Variants in NDUFA9 observed in about 807,000 individuals in gnomAD.
NDUFA9 encodes the protein NADH dehydrogenase [ubiquinone] 1 alpha subcomplex subunit 9, mitochondrial.
In NDUFA9, 23 loss-of-function variants were observed where a neutral mutation model predicts 45.9. The observed-to-expected ratio is 0.50, with a 90% CI of 0.36 to 0.71. The LOEUF (loss-of-function observed/expected upper bound fraction) is 0.71, where lower values mean the gene tolerates loss of function less well. Among genes scored for constraint, NDUFA9 ranks in the 30% least tolerant of loss-of-function variants. NDUFA9 has a pLI of 0.00. For missense variants in NDUFA9, 466 were observed against 488.2 expected, an observed-to-expected ratio of 0.95 and a Z score of 0.43; for synonymous variants, 176 against 170.5, an observed-to-expected ratio of 1.03 and a Z score of -0.25.
intron 4 of NDUFA9, among the ~76,000 whole-genome samples, chr12:4,658,583 G>GT (rs1157601133): frequency 6.6e-6 from 1 of 152,182 alleles, no homozygotes; most frequent in Non-Finnish European, 1.5e-5. Context: ...TCAGCAGCCA[G>GT]TACGGCCAGG....
At chr12:4,686,694 G>A (rs1227364720) in intron 10 of NDUFA9, among the ~76,000 whole-genome samples, 2 of 152,104 alleles carry the variant, frequency 1.3e-5, no homozygotes, top group Admixed American at 6.5e-5. Flanking sequence ...TCCTGTGCTC[G>A]CGGCTGCCAC....
intron 8 of NDUFA9, among the ~76,000 whole-genome samples, chr12:4,675,753 C>A (rs1272200625): frequency 6.6e-6 from 1 of 152,170 alleles, no homozygotes; most frequent in East Asian, 1.9e-4. Context: ...TGGTACCATT[C>A]CTTCTGAAAC....
chr12:4,658,896 A>C, intron 4 of NDUFA9, 140 bp from the exon 5 acceptor site: 1 of 902,900 alleles, frequency 1.1e-6, no homozygotes, highest in Non-Finnish European at 1.6e-6. Flanking sequence ...GGCCAAATTT[A>C]GCTTTAAGTT....
intron 10 of NDUFA9, among the ~76,000 whole-genome samples, chr12:4,685,676 G>A (rs1235852352): frequency 4.1e-5 from 4 of 97,144 alleles, no homozygotes; most frequent in African/African-American, 9.3e-5. Flanking sequence ...TCCTCCTAAC[G>A]TCCTGAAGAA....
intron 5 of NDUFA9, among the ~76,000 whole-genome samples, chr12:4,661,412 G>A (rs1945822274): frequency 6.6e-6 from 1 of 152,104 alleles, no homozygotes; most frequent in African/African-American, 2.4e-5. Flanking sequence ...GAAATGTTGA[G>A]GGCCTGGTTA....
At chr12:4,652,090 G>A (rs1173920378) in intron 1 of NDUFA9, among the ~76,000 whole-genome samples, 2 of 152,190 alleles carry the variant, frequency 1.3e-5, no homozygotes, top group African/African-American at 4.8e-5. Context: ...AATCAGATGA[G>A]AACAGTCATT....
At chr12:4,671,415 ATATT>A (rs1945886349) in intron 8 of NDUFA9, among the ~76,000 whole-genome samples, 1 of 152,136 alleles carries the variant, frequency 6.6e-6, no homozygotes, top group Non-Finnish European at 1.5e-5. Flanking sequence ...AAATAATAGA[ATATT>A]TAAGTATAAA....
At chr12:4,651,225 T>G (rs1371305963) in intron 1 of NDUFA9, among the ~76,000 whole-genome samples, 1 of 152,156 alleles carries the variant, frequency 6.6e-6, no homozygotes, top group African/African-American at 2.4e-5. Context: ...AGTAGGAAAC[T>G]AATGTAGGTT....
chr12:4,666,477 G>A (rs1220234877), intron 6 of NDUFA9, among the ~76,000 whole-genome samples: 4 of 152,102 alleles, frequency 2.6e-5, no homozygotes, highest in Non-Finnish European at 4.4e-5. Context: ...ATGCCATGAA[G>A]CTTTCTCCTT....
At position 4,692,026 on chromosome 12, in the gene NDUFA9, C is replaced by T. The variant is rs1946021217; in HGVS notation, c.*4918C>T. On this transcript the variant is annotated 3_prime_UTR_variant, in exon 11 of 11. Coordinates refer to ENST00000266544, the MANE Select transcript of NDUFA9 (RefSeq NM_005002.5). ...GGTTCCCCTGGGTCCTTGAGAAAGA[C>T]AGTCCTGGGTTGTAAAACTGGCAAG... 6.6e-6 allele frequency: 1 copy of T among 152,164 alleles called. No homozygotes were observed. Among genetic ancestry groups the T allele is most frequent in the Admixed American group, 6.5e-5 (1 of 15,280 alleles). The allele number at this position is 152,164 out of a possible 1,614,324, so 9.4% of individuals were successfully genotyped here.
At position 4,662,619 on chromosome 12, in the gene NDUFA9, C is replaced by G; in HGVS notation, c.639C>G (p.Phe213Leu). 1 of 1,613,302 alleles carries G rather than the reference C, an allele frequency of 6.2e-7. No individual in the cohort carries two copies. The highest frequency in any genetic ancestry group is 8.5e-7 in the Non-Finnish European group (1 of 1,179,410). The change falls in exon 6 of 11, where the codon TTC (phenylalanine) becomes TTG (leucine). Residue 213 changes from phenylalanine (F) to leucine (L), a missense_variant. Phe to Leu is a conservative substitution (Grantham distance 22). Transcript: ENST00000266544. The stretch of plus-strand genomic sequence containing the variant: ...ACATCTTTGGAAGAGAGGATAGATT[C>G]CTTAATTCTTTTGCAAGTACGTATT... ...PSDIFGREDR[F>L]LNSFASMHRF...
At chr12:4,649,942 CG>C in intron 1 of NDUFA9, among the ~76,000 whole-genome samples, 1 of 152,342 alleles carries the variant, frequency 6.6e-6, no homozygotes, top group Non-Finnish European at 1.5e-5. Flanking sequence ...ATTAGAAATA[CG>C]GTTACACTTC....
At position 4,659,019 on chromosome 12, in the gene NDUFA9, T is replaced by A. The variant is rs1363169327; in HGVS notation, c.411-17T>A. 3 of 1,608,110 alleles carry A rather than the reference T, an allele frequency of 1.9e-6. No homozygotes were observed. The highest frequency in any genetic ancestry group is 2.5e-6 in the Non-Finnish European group (3 of 1,176,522). ...GTGTGGAGTTCTTAACCAATCCTTT[T>A]ATTTTTTATCTTCCAGAAACTTTGA... is the stretch of plus-strand genomic sequence containing the variant. On this transcript the variant is annotated splice_polypyrimidine_tract_variant and intron_variant, in intron 4 of 10. Coordinates refer to ENST00000266544, the MANE Select transcript of NDUFA9 (RefSeq NM_005002.5).
rs1377771979 is a variant in NDUFA9 at position 4,662,572 on chromosome 12, G to A, written c.592G>A (p.Ala198Thr). 2.5e-6 allele frequency: 4 copies of A among 1,613,990 alleles called. No individual in the cohort carries two copies. Among genetic ancestry groups the A allele is most frequent in the Non-Finnish European group, 3.4e-6 (4 of 1,179,890 alleles). The change falls in exon 6 of 11, where the codon GCC (alanine) becomes ACC (threonine). Residue 198 changes from alanine (A) to threonine (T), a missense_variant. Transcript: ENST00000266544. The stretch of plus-strand genomic sequence containing the variant: ...AGTAGTGAGAGATGCATTTCCGGAA[G>A]CCATTATCGTAAAGCCGTCGGACAT... ...EKVVRDAFPEAIIVKPSDIFG... is the reference protein window; with the variant it reads ...EKVVRDAFPETIIVKPSDIFG...
intron 9 of NDUFA9, 87 bp from the exon 10 acceptor site, chr12:4,685,172 T>G: frequency 8.6e-7 from 1 of 1,160,922 alleles, no homozygotes; most frequent in Non-Finnish European, 1.3e-6. Context: ...TCTACAGCGG[T>G]CTGTCTTCCT....
chr12:4,672,456 C>T (rs958611218), intron 8 of NDUFA9, among the ~76,000 whole-genome samples: 3 of 152,220 alleles, frequency 2.0e-5, no homozygotes, highest in African/African-American at 4.8e-5. Context: ...CCCACCCCCA[C>T]AGAGCCCAGC....
chr12:4,660,737 A>G (rs1945818642), intron 5 of NDUFA9, among the ~76,000 whole-genome samples: 1 of 152,184 alleles, frequency 6.6e-6, no homozygotes, highest in Admixed American at 6.5e-5. Flanking sequence ...GGAAGTGAAT[A>G]CTTATGAATG....
At position 4,657,672 on chromosome 12, in the gene NDUFA9, A is replaced by G. The variant is rs909045765; in HGVS notation, c.319-76A>G. 6 of 1,047,410 alleles carry G rather than the reference A, an allele frequency of 5.7e-6. No homozygotes were observed. The African/African-American group carries it at 7.8e-5, about 14-fold the overall frequency. The allele number at this position is 1,047,410 out of a possible 1,614,324, so 64.9% of individuals were successfully genotyped here. On this transcript the variant is annotated intron_variant, in intron 3 of 10. Transcript: ENST00000266544. Reference sequence around the variant, plus strand: ...GCAGATGGCCCATTTTGAAACTTGCATTGAGGAGGCTGCAGAAGTGTTGAG... The same window carrying G: ...GCAGATGGCCCATTTTGAAACTTGCGTTGAGGAGGCTGCAGAAGTGTTGAG...
intron 5 of NDUFA9, 130 bp downstream of exon 5, chr12:4,659,307 TC>T: frequency 1.3e-6 from 1 of 788,328 alleles, no homozygotes; most frequent in Non-Finnish European, 2.0e-6. Context: ...ATTCCCTGCA[TC>T]CAGAACTAGG....
Sources: allele counts gnomAD v4.1 joint callset (sites outside exome capture counted in the v4.1 genomes callset), GRCh38; gene constraint gnomAD v4.1.1; transcripts MANE v1.5; gene names NCBI Gene and HGNC (gene_info 2026-07-23, HGNC 2026-07-21).